Variants in ELF5 observed in about 807,000 individuals in gnomAD.
ELF5 encodes the protein ETS-related transcription factor Elf-5.
ELF5 carries 31 observed loss-of-function variants against 38.2 expected under a neutral mutation model. The ratio of observed to expected loss-of-function variants is 0.81; its 90% CI spans 0.61 to 1.10. The LOEUF (loss-of-function observed/expected upper bound fraction) is 1.10, where lower values mean the gene tolerates loss of function less well. Among genes scored for constraint, ELF5 ranks in the 50% least tolerant of loss-of-function variants. ELF5 has a pLI of 0.00. For missense variants in ELF5, 300 were observed against 306.6 expected (o/e 0.98, Z 0.16); for synonymous variants, 121 against 112.5 (o/e 1.08, Z -0.48).
chr11:34,489,438 A>G (rs991845257), intron 4 of ELF5, among the ~76,000 whole-genome samples: 1 of 152,208 alleles, frequency 6.6e-6, no homozygotes, highest in African/African-American at 2.4e-5. Context: ...AGTAACTAAT[A>G]GTAATCATCA....
intron 2 of ELF5, among the ~76,000 whole-genome samples, chr11:34,504,033 G>A (rs1292005392): frequency 2.0e-5 from 3 of 152,040 alleles, no homozygotes; most frequent in African/African-American, 7.2e-5. Context: ...GTTGTAGCCC[G>A]CCCCTCCCAC....
chr11:34,513,093 G>A (rs192035657), intron 1 of ELF5, among the ~76,000 whole-genome samples: 8 of 152,206 alleles, frequency 5.3e-5, no homozygotes, highest in African/African-American at 1.4e-4. Context: ...CAAGGCCTGA[G>A]AACACAGTGG....
At position 34,490,065 on chromosome 11, in the gene ELF5, A is replaced by T; in HGVS notation, c.356-6T>A. On this transcript the variant is annotated splice_region_variant and splice_polypyrimidine_tract_variant and intron_variant, in intron 3 of 6. Transcript: ENST00000257832. ...GTCATTAAAAAAGGAGTAACCTGGGAAAGAAAAAGAAATCCAGAAACCATA... is the reference window on the plus strand; with the variant it reads ...GTCATTAAAAAAGGAGTAACCTGGGTAAGAAAAAGAAATCCAGAAACCATA... The T allele has an allele frequency of 6.2e-7, 1 of 1,613,862 alleles. No individual in the cohort carries two copies. Among genetic ancestry groups the T allele is most frequent in the East Asian group, 2.2e-5 (1 of 44,878 alleles).
At chr11:34,484,427 A>G (rs1367652997) in intron 4 of ELF5, among the ~76,000 whole-genome samples, 3 of 151,216 alleles carry the variant, frequency 2.0e-5, no homozygotes. Flanking sequence ...TATACTAACT[A>G]TACTGCACTG....
At chr11:34,503,550 G>A (rs1850528501) in intron 2 of ELF5, among the ~76,000 whole-genome samples, 1 of 152,016 alleles carries the variant, frequency 6.6e-6, no homozygotes, top group Non-Finnish European at 1.5e-5. Flanking sequence ...CCGGGCTCAA[G>A]GGATCCTCCT....
At chr11:34,493,151 T>A in intron 3 of ELF5, 1 of 500,980 alleles carries the variant, frequency 2.0e-6, no homozygotes, top group Non-Finnish European at 3.5e-6. Flanking sequence ...AGCACAAACC[T>A]CTTTTTTGTC....
intron 2 of ELF5, among the ~76,000 whole-genome samples, chr11:34,505,236 G>A (rs1435542691): frequency 3.3e-5 from 5 of 152,120 alleles, no homozygotes; most frequent in Non-Finnish European, 7.4e-5. Flanking sequence ...CACAGCTCGT[G>A]TTCAGTAAAT....
At position 34,505,620 on chromosome 11, in the gene ELF5, T is replaced by G. The variant is rs139946662; in HGVS notation, c.121+9A>C. 4.3e-6 allele frequency: 7 copies of G among 1,613,432 alleles called. No homozygotes were observed. Among genetic ancestry groups the G allele is most frequent in the Middle Eastern group, 1.6e-4 (1 of 6,062 alleles). On this transcript the variant is annotated intron_variant, in intron 2 of 6. Coordinates refer to ENST00000257832, the MANE Select transcript of ELF5 (RefSeq NM_001422.4). Reference sequence around the variant, plus strand: ...CTGCACTCAGATGGGCTCCTTCAAATGTACGCACCTGTCTGATGCTCAAAG... The same window carrying G: ...CTGCACTCAGATGGGCTCCTTCAAAGGTACGCACCTGTCTGATGCTCAAAG...
In ELF5 at chr11:34,501,177, G is replaced by A. The variant is rs952921904; in HGVS notation, c.121+4452C>T. Reference sequence around the variant, plus strand: ...CAGCCCAGCCTCACTGTGCTCTACCGTCTTCAGAATTAAAGTGGAGAAGCA... The same window carrying A: ...CAGCCCAGCCTCACTGTGCTCTACCATCTTCAGAATTAAAGTGGAGAAGCA... On this transcript the variant is annotated intron_variant, in intron 2 of 6. Transcript: ENST00000257832. Among the ~76,000 whole-genome samples the A allele has an allele frequency of 1.1e-4, 17 of 152,246 alleles. No individual in the cohort carries two copies. In the South Asian group the frequency reaches 2.3e-3, roughly 20 times the overall value.
chr11:34,511,533 G>T lies in ELF5; in HGVS notation c.-5+2144C>A, dbSNP rs1850756583. The T allele has an allele frequency of 3.1e-6, 5 of 1,614,240 alleles. No individual in the cohort carries two copies. In the East Asian group the frequency reaches 1.1e-4, roughly 36 times the overall value. On this transcript the variant is annotated intron_variant, in intron 1 of 6. Coordinates refer to ENST00000257832, the MANE Select transcript of ELF5 (RefSeq NM_001422.4). Reference sequence around the variant, plus strand: ...GCTCACTTCACACATGAGAAAGTTGGCTGCAGGTACCTGTGGGAGTGAGGC... The same window carrying T: ...GCTCACTTCACACATGAGAAAGTTGTCTGCAGGTACCTGTGGGAGTGAGGC...
intron 1 of ELF5, among the ~76,000 whole-genome samples, chr11:34,506,306 G>T (rs1418883647): frequency 6.6e-6 from 1 of 152,096 alleles, no homozygotes; most frequent in African/African-American, 2.4e-5. Flanking sequence ...GGACATAAAG[G>T]TGGGGACAAT....
At chr11:34,482,129 T>C (rs1368489326) in intron 5 of ELF5, among the ~76,000 whole-genome samples, 2 of 152,218 alleles carry the variant, frequency 1.3e-5, no homozygotes, top group Non-Finnish European at 2.9e-5. Flanking sequence ...CCAAAGCTAA[T>C]GTTCACAACT....
chr11:34,499,880 T>A (rs1850416115), intron 2 of ELF5, among the ~76,000 whole-genome samples: 1 of 152,290 alleles, frequency 6.6e-6, no homozygotes, highest in East Asian at 1.9e-4. Context: ...CTTCAATGGA[T>A]TAGCTGTGCA....
intron 4 of ELF5, among the ~76,000 whole-genome samples, chr11:34,488,200 G>A (rs1295083518): frequency 2.0e-5 from 3 of 151,972 alleles, no homozygotes; most frequent in African/African-American, 7.3e-5. Context: ...TCTCTACCCC[G>A]ACCTTGCCTC....
At chr11:34,497,386 G>C (rs942504379) in intron 2 of ELF5, among the ~76,000 whole-genome samples, 2 of 152,196 alleles carry the variant, frequency 1.3e-5, no homozygotes, top group Non-Finnish European at 2.9e-5. Context: ...TAAGCAGCAG[G>C]CTCTGCCAGC....
chr11:34,496,860 G>T (rs1850333235), intron 2 of ELF5, among the ~76,000 whole-genome samples: 1 of 152,142 alleles, frequency 6.6e-6, no homozygotes, highest in African/African-American at 2.4e-5. Flanking sequence ...GTCAGTAAAG[G>T]AGCTACTGAA....
At position 34,478,869 on chromosome 11, in the gene ELF5, T is replaced by C. The variant is rs770391964; in HGVS notation, c.*1349A>G. On this transcript the variant is annotated 3_prime_UTR_variant, in exon 7 of 7. Coordinates refer to ENST00000257832, the MANE Select transcript of ELF5 (RefSeq NM_001422.4). The stretch of plus-strand genomic sequence containing the variant: ...AAACACATGAATCCAAAATAGATTA[T>C]TTTACAGTAATTCATATTTTTTAAA... 1 of 152,668 alleles carries C rather than the reference T, an allele frequency of 6.6e-6. No individual in the cohort carries two copies. The highest frequency in any genetic ancestry group is 2.1e-4 in the South Asian group (1 of 4,836). 9.5% of individuals were successfully genotyped at this position (152,668 alleles called of 1,614,324 possible).
At chr11:34,506,326 G>C (rs954698650) in intron 1 of ELF5, among the ~76,000 whole-genome samples, 1 of 151,978 alleles carries the variant, frequency 6.6e-6, no homozygotes, top group East Asian at 1.9e-4. Flanking sequence ...TAGACACTGG[G>C]GACTACCAGA....
chr11:34,502,508 C>T (rs1850497906), intron 2 of ELF5, among the ~76,000 whole-genome samples: 1 of 152,234 alleles, frequency 6.6e-6, no homozygotes, highest in South Asian at 2.1e-4. Context: ...ACAGAAGGCC[C>T]CTCCTGCTAA....
Sources: allele counts gnomAD v4.1 joint callset (sites outside exome capture counted in the v4.1 genomes callset), GRCh38; gene constraint gnomAD v4.1.1; transcripts MANE v1.5; gene names NCBI Gene and HGNC (gene_info 2026-07-23, HGNC 2026-07-21).